Variants in ZNF484 observed in about 807,000 individuals in gnomAD.
The protein encoded by ZNF484 is KRAB box containing C2H2 type zinc finger bA526D8.4.
A neutral mutation model predicts 12.9 loss-of-function variants in ZNF484; 11 were observed. The ratio of observed to expected loss-of-function variants is 0.85; its 90% confidence interval spans 0.54 to 1.41. The LOEUF is 1.41. Among genes scored for constraint, ZNF484 ranks in the 40% most tolerant of loss-of-function variants. ZNF484 has a pLI of 0.00. For missense variants in ZNF484, 807 were observed against 1,007.7 expected, an observed-to-expected ratio of 0.80 and a Z score of 2.70; for synonymous variants, 289 against 334.1, an observed-to-expected ratio of 0.86 and a Z score of 1.47.
intron 2 of ZNF484, among the ~76,000 whole-genome samples, chr9:92,863,203 G>C (rs538819541): frequency 3.4e-5 from 5 of 147,958 alleles, no homozygotes; most frequent in African/African-American, 1.3e-4. Flanking sequence ...ACTTATAAGT[G>C]GGAGCTGAAC....
Position 92,856,335 on chromosome 9 carries a change from A to G in ZNF484, c.16-17T>C, listed in dbSNP as rs748548511. 6.6e-7 allele frequency: 1 copy of G among 1,513,892 alleles called. No homozygotes were observed. Among genetic ancestry groups the G allele is most frequent in the South Asian group, 1.3e-5 (1 of 74,876 alleles). The allele number at this position is 1,513,892 out of a possible 1,614,324, so 93.8% of individuals were successfully genotyped here. A position where few individuals can be genotyped will look rare whatever the true frequency, so the allele number is the denominator to read the frequency against. On this transcript the variant is annotated splice_polypyrimidine_tract_variant and intron_variant, in intron 2 of 4. Transcript: ENST00000375495. Reference sequence around the variant, plus strand: ...CACTGATTCCTGTTAAAAAAAAAAAACAAACTTTAAAATAATTTTTTAAAG... The same window carrying G: ...CACTGATTCCTGTTAAAAAAAAAAAGCAAACTTTAAAATAATTTTTTAAAG...
chr9:92,859,938 C>G (rs561687765), intron 2 of ZNF484, among the ~76,000 whole-genome samples: 33 of 152,296 alleles, frequency 2.2e-4, no homozygotes, highest in Non-Finnish European at 4.4e-4. Flanking sequence ...CTTCTCCCAG[C>G]AATGATGTGT....
At chr9:92,864,542 A>G (rs1408059423) in intron 2 of ZNF484, among the ~76,000 whole-genome samples, 4 of 152,234 alleles carry the variant, frequency 2.6e-5, no homozygotes, top group African/African-American at 9.6e-5. Flanking sequence ...CGTAATTCTT[A>G]GATTTCTGTT....
intron 2 of ZNF484, among the ~76,000 whole-genome samples, chr9:92,872,936 C>T (rs1587771418): frequency 6.6e-6 from 1 of 151,918 alleles, no homozygotes; most frequent in East Asian, 1.9e-4. Flanking sequence ...GAACTATCAA[C>T]TTAGAATTTT....
Position 92,856,202 on chromosome 9 carries a change from C to G in ZNF484, c.132G>C (p.Leu44Phe). 1 of 1,613,706 alleles carries G rather than the reference C, an allele frequency of 6.2e-7. No homozygotes were observed. Among genetic ancestry groups the G allele is most frequent in the Non-Finnish European group, 8.5e-7 (1 of 1,179,930 alleles). The change falls in exon 3 of 5, where the codon TTG (leucine) becomes TTC (phenylalanine). Residue 44 changes from leucine to phenylalanine, a missense_variant. Physicochemically the swap from Leu to Phe is conservative, Grantham distance 22. Coordinates refer to ENST00000375495, the MANE Select transcript of ZNF484 (RefSeq NM_031486.4). ...REVMLENYFN[L>F]ISVGCQVPKP... Reference sequence around the variant, plus strand: ...CAGAGCCGTGCTTACCCACTGAGATCAAGTTGAAATAGTTTTCCAGCATCA... The same window carrying G: ...CAGAGCCGTGCTTACCCACTGAGATGAAGTTGAAATAGTTTTCCAGCATCA...
chr9:92,877,826 G>C, intron 1 of ZNF484, 64 bp downstream of exon 1: 1 of 1,535,774 alleles, frequency 6.5e-7, no homozygotes, highest in Non-Finnish European at 8.7e-7. Flanking sequence ...TGACCGGAAG[G>C]CTCAGGACAG....
intron 2 of ZNF484, among the ~76,000 whole-genome samples, chr9:92,870,025 T>G (rs2118195232): frequency 6.6e-6 from 1 of 152,332 alleles, no homozygotes; most frequent in East Asian, 1.9e-4. Context: ...CTCAATAAAC[T>G]GGATTCCACT....
In ZNF484 at chr9:92,851,218, C is replaced by T. The variant is rs573025294; in HGVS notation, c.236-2667G>A. On this transcript the variant is annotated intron_variant, in intron 4 of 4. Coordinates refer to ENST00000375495, the MANE Select transcript of ZNF484 (RefSeq NM_031486.4). ...TTCCCACCAGTATATTCCAACTTGG[C>T]AGCACCCAGTTCTATGAAGCTGGCA... 2.6e-4 allele frequency among the ~76,000 whole-genome samples: 39 copies of T among 152,350 alleles called. 1 individual carries two copies. The South Asian group carries it at 7.5e-3, about 29-fold the overall frequency.
intron 4 of ZNF484, among the ~76,000 whole-genome samples, chr9:92,850,856 C>T (rs1376619123): frequency 2.0e-5 from 3 of 152,196 alleles, no homozygotes; most frequent in Admixed American, 1.3e-4. Flanking sequence ...CTCAGCCTCC[C>T]AAAGTGCTGG....
intron 2 of ZNF484, among the ~76,000 whole-genome samples, chr9:92,870,837 C>A (rs1857386639): frequency 6.6e-6 from 1 of 152,206 alleles, no homozygotes; most frequent in African/African-American, 2.4e-5. Flanking sequence ...GAACTGCCAA[C>A]CCCAACTAGC....
At chr9:92,870,181 G>A (rs895207413) in intron 2 of ZNF484, among the ~76,000 whole-genome samples, 1 of 152,158 alleles carries the variant, frequency 6.6e-6, no homozygotes, top group African/African-American at 2.4e-5. Context: ...AGGAACCAGG[G>A]AAGTAAACAG....
chr9:92,856,323 T>TTAA lies in ZNF484; in HGVS notation c.16-6_16-5insTTA. On this transcript the variant is annotated splice_region_variant and splice_polypyrimidine_tract_variant and intron_variant, in intron 2 of 4. Coordinates refer to ENST00000375495, the MANE Select transcript of ZNF484 (RefSeq NM_031486.4). ...GTCCTTGAATGACACTGATTCCTGT[T>TTAA]AAAAAAAAAAAACAAACTTTAAAAT... 3 of 1,360,378 alleles carry TTAA rather than the reference T, an allele frequency of 2.2e-6. No homozygotes were observed. Among genetic ancestry groups the TTAA allele is most frequent in the Admixed American group, 4.9e-5 (2 of 40,774 alleles). The allele number at this position is 1,360,378 out of a possible 1,614,324, so 84.3% of individuals were successfully genotyped here. A position where few individuals can be genotyped will look rare whatever the true frequency, so the allele number is the denominator to read the frequency against.
At chr9:92,872,641 T>C (rs1857527076) in intron 2 of ZNF484, among the ~76,000 whole-genome samples, 1 of 152,126 alleles carries the variant, frequency 6.6e-6, no homozygotes, top group South Asian at 2.1e-4. Flanking sequence ...GGGCACCCAC[T>C]AGAAGCTAGA....
chr9:92,851,254 G>GC (rs762270040), intron 4 of ZNF484, among the ~76,000 whole-genome samples: 6 of 152,234 alleles, frequency 3.9e-5, no homozygotes, highest in Non-Finnish European at 8.8e-5. Context: ...ATGCCCTAGG[G>GC]CAGGGGTCAG....
At chr9:92,859,851 T>G (rs1039796100) in intron 2 of ZNF484, among the ~76,000 whole-genome samples, 3 of 152,242 alleles carry the variant, frequency 2.0e-5, no homozygotes, top group Non-Finnish European at 4.4e-5. Flanking sequence ...AAGATGTGCT[T>G]AGTGCAGTGT....
chr9:92,849,108 A>G (rs546144424), intron 4 of ZNF484, among the ~76,000 whole-genome samples: 1 of 151,910 alleles, frequency 6.6e-6, no homozygotes, highest in East Asian at 1.9e-4. Context: ...CTAAAAATAC[A>G]AAATTAGCCG....
intron 1 of ZNF484, among the ~76,000 whole-genome samples, chr9:92,875,452 G>A (rs912717997): frequency 2.0e-5 from 3 of 152,158 alleles, no homozygotes; most frequent in South Asian, 4.1e-4. Flanking sequence ...GGTGCCCAGA[G>A]ACTACTCCCA....
At chr9:92,857,377 C>A (rs1465871399) in intron 2 of ZNF484, among the ~76,000 whole-genome samples, 1 of 152,122 alleles carries the variant, frequency 6.6e-6, no homozygotes, top group Non-Finnish European at 1.5e-5. Context: ...CTGGAGAATG[C>A]AGTAGAAGGC....
rs750556024 is a variant in ZNF484, at chr9:92,855,929, T to A, written c.143-26A>T. On this transcript the variant is annotated intron_variant, in intron 3 of 4. Transcript: ENST00000375495. ...CTGTTAACAGGGGATGATAGAGGAC[T>A]TGATTTCAGAGGCCATACAATGAAG... 2.4e-5 allele frequency: 39 copies of A among 1,610,854 alleles called. No homozygotes were observed. In the East Asian group the frequency reaches 7.1e-4, roughly 29 times the overall value.
Sources: gnomAD v4.1 joint callset for allele counts (sites outside exome capture counted in the v4.1 genomes callset) on GRCh38, gnomAD v4.1.1 for gene constraint, MANE v1.5 for transcripts, NCBI Gene and HGNC (gene_info 2026-07-23, HGNC 2026-07-21) for gene names.